The following N4BP3 variants were observed in gnomAD, a reference collection of about 807,000 sequenced individuals.
The protein encoded by N4BP3 is NEDD4-binding protein 3.
A neutral mutation model predicts 43.8 loss-of-function variants in N4BP3; 33 were observed. The ratio of observed to expected loss-of-function variants is 0.75; its 90% confidence interval spans 0.57 to 1.01. The LOEUF (loss-of-function observed/expected upper bound fraction) is 1.01. N4BP3 is among the 50% of genes least tolerant of loss of function. The pLI is 0.00. For missense variants in N4BP3, 756 were observed against 744.2 expected (o/e 1.02, Z -0.18); for synonymous variants, 326 against 321.9 (o/e 1.01, Z -0.14).
At position 178,121,747 on chromosome 5, in the gene N4BP3, G is replaced by C. The variant is rs748730245; in HGVS notation, c.1381G>C (p.Ala461Pro). The C allele has an allele frequency of 1.7e-5, 28 of 1,607,972 alleles. No homozygotes were observed. The highest frequency in any genetic ancestry group is 2.2e-5 in the South Asian group (2 of 91,066). ...GLLGEAGGSE[A>P]RDSAEQLRAE... ...GCTAGGGGAGGCAGGAGGCAGCGAG[G>C]CCAGAGACAGTGCTGAGCAGCTGCG... The change falls in exon 5 of 5, where the codon GCC (alanine) becomes CCC (proline). Residue 461 changes from alanine (A) to proline (P), a missense_variant. By Grantham distance (27) the Ala-to-Pro change is conservative. Coordinates refer to ENST00000274605, the MANE Select transcript of N4BP3 (RefSeq NM_015111.2).
In N4BP3 at chr5:178,121,148, T is replaced by C. The variant is rs775371024; in HGVS notation, c.903T>C (p.Tyr301=). 4.4e-6 allele frequency: 7 copies of C among 1,600,310 alleles called. No homozygotes were observed. Among genetic ancestry groups the C allele is most frequent in the Non-Finnish European group, 5.9e-6 (7 of 1,178,868 alleles). ...RLWLAELKRL[Y]VERLHEVTQK... The stretch of plus-strand genomic sequence containing the variant: ...GGCTGGCTGAGCTGAAGCGCCTGTA[T>C]GTGGAGCGGCTGCACGAGGTGACCC... The change falls in exon 4 of 5, where the codon TAT becomes TAC. Residue 301 remains tyrosine, a synonymous_variant. Coordinates refer to ENST00000274605, the MANE Select transcript of N4BP3 (RefSeq NM_015111.2).
At position 178,121,602 on chromosome 5, in the gene N4BP3, C is replaced by G; in HGVS notation, c.1236C>G (p.Ala412=). The change falls in exon 5 of 5, where the codon GCC becomes GCG. Residue 412 remains alanine, a synonymous_variant. Transcript: ENST00000274605. ...AACTTCGGGGCAGCCGGGCACAAGC[C>G]CAGGCTCAGGACGCAGAGCTGGTCC... ...KTQLRGSRAQ[A]QAQDAELVRL... The G allele has an allele frequency of 6.2e-7, 1 of 1,613,288 alleles. No homozygotes were observed. The highest frequency in any genetic ancestry group is 8.5e-7 in the Non-Finnish European group (1 of 1,179,946).
At chr5:178,117,073 A>C (rs1757789005) in intron 1 of N4BP3, among the ~76,000 whole-genome samples, 1 of 152,080 alleles carries the variant, frequency 6.6e-6, no homozygotes, top group South Asian at 2.1e-4. Context: ...TCAGCCTCCC[A>C]AAGTGCTGGG....
At chr5:178,121,403 C>T in intron 4 of N4BP3, 51 bp downstream of exon 4, 2 of 1,612,642 alleles carry the variant, frequency 1.2e-6, no homozygotes, top group Non-Finnish European at 1.7e-6. Context: ...TTGCCGGTCC[C>T]TTCTTCTGCC....
At chr5:178,120,763 A>G in intron 3 of N4BP3, 64 bp downstream of exon 3, 3 of 1,474,738 alleles carry the variant, frequency 2.0e-6, no homozygotes, top group Non-Finnish European at 2.7e-6. Flanking sequence ...GGCCAGAGAG[A>G]GGGGCCCCAG....
rs939783415 is a variant in N4BP3, at chr5:178,125,932, C to A, written c.*3931C>A. ...TTGTGAGCGGTATTTAATTCCTTTG[C>A]TCTAATATGTAATATTAGAACATAT... On this transcript the variant is annotated 3_prime_UTR_variant, in exon 5 of 5. Transcript: ENST00000274605. 6.6e-6 allele frequency: 1 copy of A among 150,582 alleles called. No homozygotes were observed. Among genetic ancestry groups the A allele is most frequent in the Non-Finnish European group, 1.5e-5 (1 of 67,778 alleles). The allele number at this position is 150,582 out of a possible 1,614,324, so 9.3% of individuals were successfully genotyped here.
rs115160973 is a variant in N4BP3, at chr5:178,117,240, C to T, written c.-30-2314C>T. ...CTGCTGTCCCCTCCCCAAGAAGCAG[C>T]AACAGGAGTTGAGCGTGCTTGTGGA... On this transcript the variant is annotated intron_variant, in intron 1 of 4. Coordinates refer to ENST00000274605, the MANE Select transcript of N4BP3 (RefSeq NM_015111.2). Among the ~76,000 whole-genome samples the T allele has an allele frequency of 4.6e-3, 694 of 152,300 alleles. 3 individuals are homozygous for T. Among genetic ancestry groups the T allele is most frequent in the Middle Eastern group, 0.014 (4 of 294 alleles).
At chr5:178,116,599 T>C (rs1757778522) in intron 1 of N4BP3, among the ~76,000 whole-genome samples, 1 of 152,218 alleles carries the variant, frequency 6.6e-6, no homozygotes, top group Admixed American at 6.5e-5. Flanking sequence ...CGTGACCGTC[T>C]GCACCGTGTC....
intron 1 of N4BP3, among the ~76,000 whole-genome samples, chr5:178,115,400 C>A (rs1757749710): frequency 6.6e-6 from 1 of 152,098 alleles, no homozygotes; most frequent in Admixed American, 6.5e-5. Context: ...GCTGCAGACA[C>A]GCCCCTTAGC....
chr5:178,113,820 T>TGGGGGG, intron 1 of N4BP3, 49 bp downstream of exon 1: 1 of 25,944 alleles, frequency 3.9e-5, no homozygotes, highest in Admixed American at 3.2e-4. Flanking sequence ...ACTCGGGGGG[T>TGGGGGG]GGGGAGGGGT....
Position 178,119,902 on chromosome 5 carries a change from C to A in N4BP3, c.319C>A (p.Arg107Ser), listed in dbSNP as rs141941070. The A allele has an allele frequency of 6.2e-7, 1 of 1,604,436 alleles. No homozygotes were observed. Among genetic ancestry groups the A allele is most frequent in the Non-Finnish European group, 8.5e-7 (1 of 1,177,406 alleles). The change falls in exon 2 of 5, where the codon CGC (arginine) becomes AGC (serine). Residue 107 changes from arginine (R) to serine (S), a missense_variant. Transcript: ENST00000274605. Reference sequence around the variant, plus strand: ...CAAGACCTCGCTGCCAGAACGGGGTCGCTTTGACAAGGTGCACCTTTGCCC... The same window carrying A: ...CAAGACCTCGCTGCCAGAACGGGGTAGCTTTGACAAGGTGCACCTTTGCCC... Reference protein sequence around the residue: ...FSKTSLPERGRFDKCRIRPSV... With the variant: ...FSKTSLPERGSFDKCRIRPSV...
rs576864204 is a variant in N4BP3 at position 178,118,447 on chromosome 5, C to T, written c.-30-1107C>T. ...TAGTGGCTTGGCCGGGGTCACACAC[C>T]GATTGGTTCCGCCAGGGTTAGGATT... On this transcript the variant is annotated intron_variant, in intron 1 of 4. Transcript: ENST00000274605. The surrounding 1 kb of genome is among the most constrained non-coding windows in gnomAD (Gnocchi z 5.4). 3.9e-5 allele frequency among the ~76,000 whole-genome samples: 6 copies of T among 152,246 alleles called. No homozygotes were observed. The East Asian group carries it at 5.8e-4, about 15-fold the overall frequency.
chr5:178,116,168 T>A (rs551718078), intron 1 of N4BP3, among the ~76,000 whole-genome samples: 146 of 150,972 alleles, frequency 9.7e-4, no homozygotes, highest in Non-Finnish European at 7.4e-4. Context: ...CCCCACCAAA[T>A]CCCCTCCGCC....
At position 178,121,439 on chromosome 5, in the gene N4BP3, C is replaced by T. The variant is rs755813792; in HGVS notation, c.1108-35C>T. ...TGCCCCCTCCCAAACCGGCTCCCCA[C>T]ACCCTACTTTGCTTGCGTCCTCCCC... On this transcript the variant is annotated intron_variant, in intron 4 of 4. Transcript: ENST00000274605. The T allele has an allele frequency of 4.8e-5, 77 of 1,613,676 alleles. No individual in the cohort carries two copies. In the Admixed American group the frequency reaches 8.7e-4, roughly 18 times the overall value.
chr5:178,120,426 T>TG lies in N4BP3; in HGVS notation c.584dup (p.Ser196Ter). ...AGCCCAGCCTGTCCGACTCCTCCAG[T>TG]GGGGGTAGTTTTGGTCGCAGTCCTG... On this transcript the variant is annotated frameshift_variant, in exon 3 of 5. Coordinates refer to ENST00000274605, the MANE Select transcript of N4BP3 (RefSeq NM_015111.2). LOFTEE classifies it high-confidence loss of function. 1.9e-6 allele frequency: 3 copies of TG among 1,612,906 alleles called. No homozygotes were observed. The highest frequency in any genetic ancestry group is 4.5e-5 in the East Asian group (2 of 44,844).
intron 1 of N4BP3, among the ~76,000 whole-genome samples, chr5:178,115,480 C>A (rs974636205): frequency 6.6e-6 from 1 of 152,204 alleles, no homozygotes; most frequent in Admixed American, 6.5e-5. Flanking sequence ...TGACTGTAGC[C>A]AGGGCAGGCA....
chr5:178,116,106 C>T (rs1166638109), intron 1 of N4BP3, among the ~76,000 whole-genome samples: 2 of 152,210 alleles, frequency 1.3e-5, no homozygotes, highest in African/African-American at 2.4e-5. Context: ...CGGCTTTTTG[C>T]TCTGATGTTC....
At chr5:178,115,743 TGG>T (rs891058925) in intron 1 of N4BP3, among the ~76,000 whole-genome samples, 3 of 152,240 alleles carry the variant, frequency 2.0e-5, no homozygotes, top group Non-Finnish European at 4.4e-5. Flanking sequence ...CAACAGGCTC[TGG>T]GACGCCCCCC....
rs1259869418 is a variant in N4BP3 at position 178,124,678 on chromosome 5, T to A, written c.*2677T>A. On this transcript the variant is annotated 3_prime_UTR_variant, in exon 5 of 5. Transcript: ENST00000274605. ...AGTGTCATCCCTTCCAGCAGCTCCC[T>A]GGGCCTCTTGGTCCATCCCTTCAGG... 1 of 152,884 alleles carries A rather than the reference T, an allele frequency of 6.5e-6. No individual in the cohort carries two copies. The highest frequency in any genetic ancestry group is 2.4e-5 in the African/African-American group (1 of 41,474). 9.5% of individuals were successfully genotyped at this position (152,884 alleles called of 1,614,324 possible).
Sources: gnomAD v4.1 joint callset for allele counts (sites outside exome capture counted in the v4.1 genomes callset) on GRCh38, gnomAD v4.1.1 for gene constraint, Gnocchi (gnomAD v3.1) non-coding constraint, MANE v1.5 for transcripts, NCBI Gene and HGNC (gene_info 2026-07-23, HGNC 2026-07-21) for gene names.